The following RBFOX1 variants were observed in gnomAD, a reference collection of about 807,000 sequenced individuals.
The protein encoded by RBFOX1 is RNA binding fox-1 homolog 1.
A neutral mutation model predicts 57.7 loss-of-function variants in RBFOX1; 8 were observed. The observed-to-expected ratio is 0.14, with a 90% confidence interval of 0.08 to 0.25. The LOEUF (loss-of-function observed/expected upper bound fraction) is 0.25, where lower values mean the gene tolerates loss of function less well. Among genes scored for constraint, RBFOX1 ranks in the 10% least tolerant of loss-of-function variants. The pLI is 1.00. For missense variants in RBFOX1, 611 were observed against 548.5 expected (o/e 1.11, Z -1.14); for synonymous variants, 326 against 222.4 (o/e 1.47, Z -4.15).
At chr16:5,672,940 C>G (rs1425806415) in intron 3 of RBFOX1, among the ~76,000 whole-genome samples, 2 of 151,810 alleles carry the variant, frequency 1.3e-5, no homozygotes, top group Non-Finnish European at 2.9e-5. Flanking sequence ...CCATCCTGAA[C>G]TTTTGCAGAA....
At chr16:5,502,136 C>G (rs147218727) in intron 2 of RBFOX1, among the ~76,000 whole-genome samples, 3 of 152,006 alleles carry the variant, frequency 2.0e-5, no homozygotes, top group African/African-American at 7.3e-5. Flanking sequence ...GTAGGGTTAG[C>G]TAAACTAGGG....
At chr16:6,767,949 A>ATAATAATAATAATAATAATAATAAT (rs1491137745) in intron 3 of RBFOX1, among the ~76,000 whole-genome samples, 2 of 74,480 alleles carry the variant, frequency 2.7e-5, no homozygotes, top group African/African-American at 6.6e-5. Context: ...AATAATAATA[A>ATAATAATAATAATAATAATAATAAT]GAAGAAGAAG....
At chr16:6,337,039 C>T (rs1422352627) in intron 2 of RBFOX1, among the ~76,000 whole-genome samples, 1 of 152,140 alleles carries the variant, frequency 6.6e-6, no homozygotes, top group Non-Finnish European at 1.5e-5. Flanking sequence ...AAGCATTTTT[C>T]AATCTGACCC....
chr16:6,097,500 C>A lies in RBFOX1; in HGVS notation c.-127+77508C>A, dbSNP rs958300125. 6.6e-6 allele frequency among the ~76,000 whole-genome samples: 1 copy of A among 152,146 alleles called. No individual in the cohort carries two copies. The highest frequency in any genetic ancestry group is 1.5e-5 in the Non-Finnish European group (1 of 68,038). ...AAGCAGAATCTCTGGTGGCAGGAAC[C>A]AGCAATCTGTGCTTTCAACAAGCTC... On this transcript the variant is annotated intron_variant, in intron 1 of 15. Coordinates refer to ENST00000550418, the MANE Select transcript of RBFOX1 (RefSeq NM_018723.4). The surrounding 1 kb of genome is among the most constrained non-coding windows in gnomAD (Gnocchi z 5.0).
intron 2 of RBFOX1, among the ~76,000 whole-genome samples, chr16:5,523,751 T>G (rs1179907811): frequency 6.6e-6 from 1 of 152,198 alleles, no homozygotes; most frequent in Admixed American, 6.5e-5. Flanking sequence ...TTTTGACAAA[T>G]GTCTATACTC....
chr16:6,139,062 A>C (rs907220025), intron 1 of RBFOX1, among the ~76,000 whole-genome samples: 4 of 152,108 alleles, frequency 2.6e-5, no homozygotes, highest in African/African-American at 9.7e-5. Flanking sequence ...TACAGTTATT[A>C]GTGTTGTTTT....
chr16:5,269,590 A>T (rs1338000124), intron 1 of RBFOX1, among the ~76,000 whole-genome samples: 1 of 152,240 alleles, frequency 6.6e-6, no homozygotes, highest in East Asian at 1.9e-4. Flanking sequence ...TTCAAAACAG[A>T]TGAAAGATCA....
chr16:5,947,370 T>A lies in RBFOX1; in HGVS notation c.351+80035T>A, dbSNP rs75752264. Among the ~76,000 whole-genome samples the A allele has an allele frequency of 7.9e-5, 12 of 152,240 alleles. No homozygotes were observed. In the East Asian group the frequency reaches 2.3e-3, roughly 29 times the overall value. On this transcript the variant is annotated intron_variant, in intron 4 of 19. Transcript: ENST00000641259. The surrounding 1 kb of genome is among the most constrained non-coding windows in gnomAD (Gnocchi z 7.2). ...GTGTTCTACATTGCAATGACAGATTTTTGTTCTGTTTTGTTTTCAGACAGG... is the reference window on the plus strand; with the variant it reads ...GTGTTCTACATTGCAATGACAGATTATTGTTCTGTTTTGTTTTCAGACAGG...
intron 3 of RBFOX1, among the ~76,000 whole-genome samples, chr16:6,694,098 C>T (rs545251137): frequency 1.3e-5 from 2 of 152,314 alleles, no homozygotes; most frequent in South Asian, 2.1e-4. Context: ...TAATTCAACA[C>T]CCAGGTTTGG....
intron 11 of RBFOX1, among the ~76,000 whole-genome samples, chr16:7,647,047 T>C (rs1459535672): frequency 6.6e-6 from 1 of 152,152 alleles, no homozygotes; most frequent in African/African-American, 2.4e-5. Flanking sequence ...TTCTAAAATG[T>C]TGATTTGCCG....
intron 3 of RBFOX1, among the ~76,000 whole-genome samples, chr16:6,786,893 A>G (rs2082054881): frequency 9.2e-6 from 1 of 108,724 alleles, no homozygotes; most frequent in Non-Finnish European, 1.8e-5. Flanking sequence ...CTTAGCCGGC[A>G]GGCTTTTTTA....
At chr16:6,969,712 C>G (rs553588327) in intron 3 of RBFOX1, among the ~76,000 whole-genome samples, 5 of 152,154 alleles carry the variant, frequency 3.3e-5, no homozygotes, top group African/African-American at 1.2e-4. Context: ...CCACCTCACT[C>G]CAGCCTGGGT....
chr16:6,824,308 C>A (rs772328002), intron 3 of RBFOX1, among the ~76,000 whole-genome samples: 2 of 152,026 alleles, frequency 1.3e-5, no homozygotes, highest in Non-Finnish European at 2.9e-5. Flanking sequence ...ATGGAGGCTG[C>A]GGTAGGAGAG....
At chr16:6,735,282 T>A (rs2069855695) in intron 3 of RBFOX1, among the ~76,000 whole-genome samples, 1 of 152,226 alleles carries the variant, frequency 6.6e-6, no homozygotes, top group East Asian at 1.9e-4. Context: ...CCTACCCAAC[T>A]CAGCCACTCA....
At chr16:5,886,826 T>C (rs1483767253) in intron 4 of RBFOX1, among the ~76,000 whole-genome samples, 1 of 152,214 alleles carries the variant, frequency 6.6e-6, no homozygotes, top group African/African-American at 2.4e-5. Flanking sequence ...AGGTGGAGGT[T>C]GCAGTGAGCC....
intron 3 of RBFOX1, among the ~76,000 whole-genome samples, chr16:6,837,953 G>A (rs955465986): frequency 2.0e-5 from 3 of 151,454 alleles, no homozygotes; most frequent in African/African-American, 7.3e-5. Flanking sequence ...TCTTTCCATG[G>A]CAACACCTGG....
chr16:6,706,841 G>T (rs2062840241), intron 3 of RBFOX1, among the ~76,000 whole-genome samples: 1 of 151,902 alleles, frequency 6.6e-6, no homozygotes, highest in South Asian at 2.1e-4. Flanking sequence ...TAGGTGACCA[G>T]AAGTCATCTG....
intron 3 of RBFOX1, among the ~76,000 whole-genome samples, chr16:5,673,517 C>T (rs1342472972): frequency 1.3e-5 from 2 of 152,218 alleles, no homozygotes; most frequent in African/African-American, 4.8e-5. Flanking sequence ...CAGGGTCTCG[C>T]TTGGCACCTA....
exon 1 of RBFOX1, chr16:5,239,815 C>T (rs2062118281): frequency 1.8e-5 from 16 of 874,568 alleles, no homozygotes; most frequent in South Asian, 1.5e-4. Context: ...GCTCAGACGC[C>T]CCAGCTCCGC....
Sources: gnomAD v4.1 joint callset for allele counts (sites outside exome capture counted in the v4.1 genomes callset) on GRCh38, gnomAD v4.1.1 for gene constraint, Gnocchi (gnomAD v3.1) non-coding constraint, MANE v1.5 for transcripts, NCBI Gene and HGNC (gene_info 2026-07-23, HGNC 2026-07-21) for gene names.